Variants in TBC1D8 observed in about 807,000 individuals in gnomAD.
TBC1D8 encodes TBC1 domain family member 8.
A neutral mutation model predicts 118.8 loss-of-function variants in TBC1D8; 65 were observed. That is an observed-to-expected ratio of 0.55 (90% confidence interval 0.45 to 0.67). The LOEUF is 0.67. Ranked by LOEUF, TBC1D8 falls within the 30% of genes least tolerant of loss-of-function variation. TBC1D8 has a pLI of 0.00. For missense variants in TBC1D8, 1,376 were observed against 1,471.2 expected (o/e 0.94, Z 1.06); for synonymous variants, 566 against 595.8 (o/e 0.95, Z 0.73).
At chr2:101,129,331 C>T (rs1321402342) in intron 1 of TBC1D8, among the ~76,000 whole-genome samples, 4 of 151,954 alleles carry the variant, frequency 2.6e-5, no homozygotes, top group African/African-American at 4.8e-5. Context: ...TTAGTAGACA[C>T]GGGGTTTCGC....
chr2:101,028,360 G>A lies in TBC1D8; in HGVS notation c.2295C>T (p.Asp765=), dbSNP rs368618178. 81 of 1,612,066 alleles carry A rather than the reference G, an allele frequency of 5.0e-5. No homozygotes were observed. The highest frequency in any genetic ancestry group is 2.3e-4 in the African/African-American group (17 of 74,868). ...CAGTCACAGGGTAGGGCTCCTGGTC[G>A]TCGGAGAAAAAGGCATGGTGGCTGC... The part of the protein sequence containing the change: ...PVGSHHAFFS[D]DQEPYPVTDI... Residue 765 remains aspartate, a synonymous_variant, in exon 13 of 20, where the codon GAC becomes GAT. Transcript: ENST00000409318.
intron 17 of TBC1D8, among the ~76,000 whole-genome samples, chr2:101,015,673 T>C (rs1679576157): frequency 1.3e-5 from 2 of 152,170 alleles, no homozygotes; most frequent in African/African-American, 4.8e-5. Flanking sequence ...CTTCAAACTA[T>C]ACTACAAGGC....
intron 15 of TBC1D8, among the ~76,000 whole-genome samples, chr2:101,025,921 T>C (rs1680312105): frequency 6.6e-6 from 1 of 152,250 alleles, no homozygotes; most frequent in Non-Finnish European, 1.5e-5. Context: ...GACCTGAATT[T>C]ATGTGATTTA....
intron 15 of TBC1D8, chr2:101,023,654 G>T: frequency 2.4e-6 from 1 of 422,816 alleles, no homozygotes; most frequent in South Asian, 1.8e-5. Context: ...TGAAGTCTTG[G>T]GAATAGACTG....
At chr2:101,049,702 TG>T (rs1001573536) in intron 5 of TBC1D8, among the ~76,000 whole-genome samples, 1 of 151,654 alleles carries the variant, frequency 6.6e-6, no homozygotes, top group Non-Finnish European at 1.5e-5. Context: ...TACTCCAGCC[TG>T]GGGGACAGAG....
intron 1 of TBC1D8, among the ~76,000 whole-genome samples, chr2:101,148,698 G>C (rs1679421719): frequency 6.6e-6 from 1 of 152,156 alleles, no homozygotes. Context: ...AAGGAAAAGA[G>C]ATGTTTATTG....
In TBC1D8 at chr2:101,047,285, G is replaced by A. The variant is rs13403870; in HGVS notation, c.872+3116C>T. On this transcript the variant is annotated intron_variant, in intron 5 of 19. Transcript: ENST00000409318. ...CCCTGCTCCCAGGGGAGCTACGAGC[G>A]GCTCCGCACTGTGGCCATAAGTCCT... Among the ~76,000 whole-genome samples, 417 of 152,312 alleles carry A rather than the reference G, an allele frequency of 2.7e-3. 3 individuals are homozygous for A. Among genetic ancestry groups the A allele is most frequent in the African/African-American group, 9.0e-3 (376 of 41,578 alleles).
intron 1 of TBC1D8, among the ~76,000 whole-genome samples, chr2:101,115,953 T>C (rs1677799483): frequency 6.6e-6 from 1 of 152,100 alleles, no homozygotes; most frequent in African/African-American, 2.4e-5. Flanking sequence ...GCTGACAACA[T>C]AAAAGGATTC....
intron 1 of TBC1D8, among the ~76,000 whole-genome samples, chr2:101,100,965 C>G (rs922455982): frequency 3.9e-5 from 6 of 152,130 alleles, no homozygotes; most frequent in Admixed American, 3.3e-4. Context: ...CTAGGCAATA[C>G]CATCCAGGAC....
intron 1 of TBC1D8, among the ~76,000 whole-genome samples, chr2:101,143,817 T>C (rs936688323): frequency 6.6e-6 from 1 of 152,184 alleles, no homozygotes; most frequent in Non-Finnish European, 1.5e-5. Flanking sequence ...CCACCTTGGC[T>C]CCCAAAGTGC....
intron 1 of TBC1D8, among the ~76,000 whole-genome samples, chr2:101,143,463 T>C (rs1679198932): frequency 6.6e-6 from 1 of 152,134 alleles, no homozygotes; most frequent in Non-Finnish European, 1.5e-5. Context: ...TGACTCAAAT[T>C]CATACACATG....
chr2:101,105,917 A>C (rs376392707), intron 1 of TBC1D8, among the ~76,000 whole-genome samples: 227 of 152,292 alleles, frequency 1.5e-3, no homozygotes, highest in African/African-American at 5.2e-3. Flanking sequence ...CTGCAAGTGA[A>C]TGTTTATGGC....
intron 1 of TBC1D8, among the ~76,000 whole-genome samples, chr2:101,106,839 C>T (rs548892762): frequency 6.8e-4 from 104 of 152,314 alleles, no homozygotes; most frequent in Non-Finnish European, 1.0e-3. Context: ...CTACAGTGCA[C>T]TGTATTCAAT....
At chr2:101,042,019 T>C (rs1038896497) in intron 5 of TBC1D8, among the ~76,000 whole-genome samples, 7 of 151,114 alleles carry the variant, frequency 4.6e-5, no homozygotes, top group Admixed American at 4.0e-4. Context: ...AGTGAGACCC[T>C]GACTCAAAAA....
At chr2:101,019,003 G>C in intron 17 of TBC1D8, 1 of 1,612,556 alleles carries the variant, frequency 6.2e-7, no homozygotes. Context: ...GCTAGTTTCT[G>C]TGCTAAACAG....
intron 1 of TBC1D8, among the ~76,000 whole-genome samples, chr2:101,149,779 A>G (rs1185384942): frequency 1.3e-5 from 2 of 152,172 alleles, no homozygotes; most frequent in Non-Finnish European, 2.9e-5. Context: ...GGGGCCCAAC[A>G]AGGCCACTGT....
chr2:101,115,405 C>G (rs938187687), intron 1 of TBC1D8, among the ~76,000 whole-genome samples: 1 of 152,232 alleles, frequency 6.6e-6, no homozygotes, highest in African/African-American at 2.4e-5. Flanking sequence ...GAATTCTGAT[C>G]TTGAAATCTG....
At chr2:101,056,210 T>A (rs2121363) in intron 3 of TBC1D8, among the ~76,000 whole-genome samples, 103,446 of 131,362 alleles carry the variant, frequency 0.79, 39,477 homozygotes, top group Middle Eastern at 0.89. Flanking sequence ...TATTATTATT[T>A]TTTTTTTTTT....
intron 1 of TBC1D8, among the ~76,000 whole-genome samples, chr2:101,100,194 GACAAGCATTCCTATACACCAACA>G (rs1303236361): frequency 6.6e-6 from 1 of 151,916 alleles, no homozygotes; most frequent in East Asian, 1.9e-4. Context: ...GTGCAAAAAT[GACAAGCATTCCTATACACCAACA>G]ACAGACAAGC....
Sources: gnomAD v4.1 joint callset for allele counts (sites outside exome capture counted in the v4.1 genomes callset) on GRCh38, gnomAD v4.1.1 for gene constraint, MANE v1.5 for transcripts, NCBI Gene and HGNC (gene_info 2026-07-23, HGNC 2026-07-21) for gene names.